Variants in KCNN2 observed in about 807,000 individuals in gnomAD.
The protein encoded by KCNN2 is potassium calcium-activated channel subfamily N member 2.
In KCNN2, 24 loss-of-function variants were observed where a neutral mutation model predicts 55.5. The ratio of observed to expected loss-of-function variants is 0.43; its 90% CI spans 0.31 to 0.61. The LOEUF is 0.61. Ranked by LOEUF, KCNN2 falls within the 20% of genes least tolerant of loss-of-function variation. The probability of loss-of-function intolerance (pLI) is 0.08; values close to 1 mark genes in which losing one functional copy is unlikely to be tolerated. For missense variants in KCNN2, 754 were observed against 853.6 expected (o/e 0.88, Z 1.45); for synonymous variants, 431 against 336.1 (o/e 1.28, Z -3.09).
At chr5:114,486,724 T>A in intron 5 of KCNN2, 1 of 1,292,292 alleles carries the variant, frequency 7.7e-7, no homozygotes, top group Non-Finnish European at 1.0e-6. Context: ...GAGACAACAA[T>A]TGCAATACAC....
At chr5:114,364,249 C>T (rs371710899) in intron 2 of KCNN2, among the ~76,000 whole-genome samples, 1 of 152,170 alleles carries the variant, frequency 6.6e-6, no homozygotes, top group Non-Finnish European at 1.5e-5. Flanking sequence ...ATTTTTACTT[C>T]TCTTCAGTAG....
intron 2 of KCNN2, among the ~76,000 whole-genome samples, chr5:114,288,493 T>TACACAC (rs777077524): frequency 0.014 from 298 of 21,690 alleles, no homozygotes; most frequent in South Asian, 0.038. Flanking sequence ...ACTTTATATA[T>TACACAC]ATATATACAC....
intron 3 of KCNN2, among the ~76,000 whole-genome samples, chr5:114,417,099 T>TA (rs1210413770): frequency 6.6e-6 from 1 of 152,244 alleles, no homozygotes; most frequent in Non-Finnish European, 1.5e-5. Flanking sequence ...GAGGGCATCT[T>TA]ACGAAATGAA....
chr5:114,172,379 C>T (rs1753056162), intron 1 of KCNN2, among the ~76,000 whole-genome samples: 1 of 151,654 alleles, frequency 6.6e-6, no homozygotes, highest in African/African-American at 2.4e-5. Flanking sequence ...CCAATATCTC[C>T]ATCCATTCCA....
At chr5:114,301,164 T>C (rs1756150387) in intron 2 of KCNN2, among the ~76,000 whole-genome samples, 1 of 152,024 alleles carries the variant, frequency 6.6e-6, no homozygotes, top group Non-Finnish European at 1.5e-5. Flanking sequence ...CTTCCAGGAG[T>C]GATTCTTGCT....
intron 2 of KCNN2, among the ~76,000 whole-genome samples, chr5:114,391,211 C>T (rs1221134750): frequency 6.6e-6 from 1 of 152,114 alleles, no homozygotes; most frequent in Non-Finnish European, 1.5e-5. Flanking sequence ...CCTTCCTCCT[C>T]TTCCATGGCT....
intron 2 of KCNN2, among the ~76,000 whole-genome samples, chr5:114,269,997 C>G (rs1755293443): frequency 6.6e-6 from 1 of 152,158 alleles, no homozygotes; most frequent in Non-Finnish European, 1.5e-5. Context: ...ATAAGCTGTT[C>G]ATAAGAACAT....
intron 2 of KCNN2, among the ~76,000 whole-genome samples, chr5:114,321,422 T>TGA (rs1362996164): frequency 6.6e-6 from 1 of 152,086 alleles, no homozygotes; most frequent in African/African-American, 2.4e-5. Flanking sequence ...TGGTGCAGGT[T>TGA]GGGGGTTGAA....
intron 3 of KCNN2, among the ~76,000 whole-genome samples, chr5:114,414,481 G>A (rs1205656378): frequency 6.6e-6 from 1 of 152,132 alleles, no homozygotes; most frequent in Admixed American, 6.5e-5. Flanking sequence ...GTAGAGCAAT[G>A]TCTAGTCTAT....
chr5:114,450,836 C>T (rs552647440), intron 3 of KCNN2, among the ~76,000 whole-genome samples: 76 of 152,306 alleles, frequency 5.0e-4, no homozygotes, highest in African/African-American at 1.8e-3. Context: ...CTACATCCCA[C>T]TTGACTTCAG....
intron 2 of KCNN2, among the ~76,000 whole-genome samples, chr5:114,374,506 G>A (rs936391149): frequency 3.3e-5 from 5 of 152,146 alleles, no homozygotes; most frequent in Non-Finnish European, 7.4e-5. Flanking sequence ...CACAGTGCTT[G>A]GAGTACAGTG....
At chr5:114,075,634 C>T (rs932054137) in intron 1 of KCNN2, among the ~76,000 whole-genome samples, 4 of 152,190 alleles carry the variant, frequency 2.6e-5, no homozygotes, top group Non-Finnish European at 4.4e-5. Context: ...TTTGTATACT[C>T]ACAACTGGCC....
intron 2 of KCNN2, among the ~76,000 whole-genome samples, chr5:114,293,148 T>C (rs1755932019): frequency 6.6e-6 from 1 of 152,222 alleles, no homozygotes; most frequent in Non-Finnish European, 1.5e-5. Context: ...CAGGGACAAT[T>C]TGACTTCCTC....
intron 2 of KCNN2, among the ~76,000 whole-genome samples, chr5:114,238,553 G>A (rs1351210461): frequency 6.6e-6 from 1 of 151,644 alleles, no homozygotes; most frequent in Admixed American, 6.6e-5. Context: ...TTGAACCCAG[G>A]AGGCAGAGGT....
At chr5:114,228,285 G>T (rs1754283656) in intron 2 of KCNN2, among the ~76,000 whole-genome samples, 2 of 151,962 alleles carry the variant, frequency 1.3e-5, no homozygotes, top group African/African-American at 4.8e-5. Context: ...TACTTTTGAG[G>T]TTCTGTTACA....
At position 114,486,990 on chromosome 5, in the gene KCNN2, C is replaced by G. The variant is rs889557229; in HGVS notation, c.1891-60C>G. ...TTGGGATGAAGACTATGACCCCCAG[C>G]AAAGTTACAAAGGATTCTGCTCTGG... On this transcript the variant is annotated intron_variant, in intron 5 of 7. Transcript: ENST00000673685. 4 of 1,593,944 alleles carry G rather than the reference C, an allele frequency of 2.5e-6. No individual in the cohort carries two copies. The African/African-American group carries it at 5.4e-5, about 21-fold the overall frequency.
At chr5:114,459,909 T>A (rs1761115139) in intron 3 of KCNN2, among the ~76,000 whole-genome samples, 1 of 152,196 alleles carries the variant, frequency 6.6e-6, no homozygotes, top group Non-Finnish European at 1.5e-5. Context: ...CAAATAAGGA[T>A]GGAAGAAATT....
chr5:114,103,402 T>C (rs1297754836), intron 1 of KCNN2, among the ~76,000 whole-genome samples: 8 of 152,176 alleles, frequency 5.3e-5, no homozygotes, highest in Admixed American at 3.9e-4. Context: ...GTCTTCCTAT[T>C]TGAATACTCT....
At chr5:114,091,904 A>G (rs115204554) in intron 1 of KCNN2, among the ~76,000 whole-genome samples, 2,380 of 152,306 alleles carry the variant, frequency 0.016, 56 homozygotes, top group African/African-American at 0.054. Flanking sequence ...TATGGGGATT[A>G]TGATTCAAGA....
Sources: allele counts gnomAD v4.1 joint callset (sites outside exome capture counted in the v4.1 genomes callset), GRCh38; gene constraint gnomAD v4.1.1; transcripts MANE v1.5; gene names NCBI Gene and HGNC (gene_info 2026-07-23, HGNC 2026-07-21).